The following GRM5 variants were observed in gnomAD, a reference collection of about 807,000 sequenced individuals.
The protein encoded by GRM5 is metabotropic glutamate receptor 5.
In GRM5, 19 loss-of-function variants were observed where a neutral mutation model predicts 83.1. The observed-to-expected ratio is 0.23, with a 90% CI of 0.16 to 0.34. The LOEUF (loss-of-function observed/expected upper bound fraction) is 0.34. GRM5 is among the 10% of genes least tolerant of loss of function. The pLI is 1.00. For synonymous variants in GRM5, 675 were observed against 633.6 expected, an observed-to-expected ratio of 1.07 and a Z score of -0.98; for missense variants, 1,160 against 1,588.3, an observed-to-expected ratio of 0.73 and a Z score of 4.58.
intron 7 of GRM5, among the ~76,000 whole-genome samples, chr11:88,575,726 G>A (rs549777684): frequency 6.6e-6 from 1 of 152,246 alleles, no homozygotes; most frequent in East Asian, 1.9e-4. Flanking sequence ...TTCTAGCATA[G>A]AAAATGTTCT....
Position 88,509,149 on chromosome 11 carries a change from G to A in GRM5, c.3082C>T (p.Arg1028Cys), listed in dbSNP as rs760970912. 5.2e-6 allele frequency: 8 copies of A among 1,539,728 alleles called. No individual in the cohort carries two copies. Among genetic ancestry groups the A allele is most frequent in the Middle Eastern group, 2.1e-4 (1 of 4,654 alleles). ...SPSPISTLSH[R>C]AGSASRTDDD... ...TCCGTGCGGCTGGCCGAGCCCGCGC[G>A]GTGGCTCAGCGTGCTGATGGGCGAC... Residue 1028 changes from arginine to cysteine, a missense_variant, in exon 10 of 10, where the codon CGC becomes TGC. Physicochemically the swap from Arg to Cys is radical, Grantham distance 180 (BLOSUM62 -3). This residue lies in a region of GRM5 where 562 missense variants were observed against 532.4 expected (regional missense o/e 1.06). Transcript: ENST00000305447.
chr11:88,935,217 C>G (rs1937851973), intron 2 of GRM5, among the ~76,000 whole-genome samples: 1 of 151,814 alleles, frequency 6.6e-6, no homozygotes, highest in African/African-American at 2.4e-5. Flanking sequence ...ATGTTCTCTT[C>G]CAAAGCAATT....
At chr11:88,967,217 A>G (rs557572552) in intron 2 of GRM5, among the ~76,000 whole-genome samples, 3 of 79,076 alleles carry the variant, frequency 3.8e-5, no homozygotes, top group South Asian at 7.4e-4. Context: ...GTGTGTGTAT[A>G]TATGTGTGTG....
At chr11:88,552,899 A>G (rs979600456) in intron 8 of GRM5, among the ~76,000 whole-genome samples, 1 of 152,144 alleles carries the variant, frequency 6.6e-6, no homozygotes, top group Non-Finnish European at 1.5e-5. Flanking sequence ...AAAATTTCCA[A>G]GGGGAAATTA....
intron 2 of GRM5, among the ~76,000 whole-genome samples, chr11:88,888,283 C>T (rs894051218): frequency 3.3e-5 from 5 of 152,166 alleles, no homozygotes; most frequent in Non-Finnish European, 7.3e-5. Context: ...CAAACCCTAA[C>T]TGCAGCTAAA....
At chr11:88,979,967 G>A (rs186800053) in intron 2 of GRM5, among the ~76,000 whole-genome samples, 1 of 152,170 alleles carries the variant, frequency 6.6e-6, no homozygotes, top group Non-Finnish European at 1.5e-5. Flanking sequence ...GGAAATCTAA[G>A]GCATTTTATT....
At chr11:88,517,338 T>C (rs1239902415) in intron 9 of GRM5, among the ~76,000 whole-genome samples, 1 of 152,120 alleles carries the variant, frequency 6.6e-6, no homozygotes, top group Non-Finnish European at 1.5e-5. Context: ...AGCCAAGATT[T>C]TTGATAAGCT....
chr11:88,675,298 A>G (rs1205961620), intron 3 of GRM5, among the ~76,000 whole-genome samples: 1 of 151,966 alleles, frequency 6.6e-6, no homozygotes, highest in South Asian at 2.1e-4. Context: ...ACTTCACTGG[A>G]TTCATTGCTT....
chr11:88,614,054 A>T (rs977909472), intron 4 of GRM5, among the ~76,000 whole-genome samples: 5 of 152,132 alleles, frequency 3.3e-5, no homozygotes, highest in African/African-American at 1.2e-4. Context: ...CTTGACCCTA[A>T]GCCATGTTCT....
chr11:88,643,009 G>A (rs572179161), intron 4 of GRM5, among the ~76,000 whole-genome samples: 1 of 151,946 alleles, frequency 6.6e-6, no homozygotes, highest in African/African-American at 2.4e-5. Flanking sequence ...TTATAGCAAT[G>A]TCCCACTCCT....
intron 2 of GRM5, among the ~76,000 whole-genome samples, chr11:88,941,680 CA>C (rs1475885257): frequency 6.6e-6 from 1 of 151,890 alleles, no homozygotes; most frequent in Non-Finnish European, 1.5e-5. Flanking sequence ...TTTGGCCTAA[CA>C]AATGTTAGGG....
chr11:88,794,077 C>A (rs528412881), intron 3 of GRM5, among the ~76,000 whole-genome samples: 1 of 152,114 alleles, frequency 6.6e-6, no homozygotes, highest in Non-Finnish European at 1.5e-5. Context: ...CCTGCCTCAG[C>A]CTTTAGCCTC....
intron 3 of GRM5, among the ~76,000 whole-genome samples, chr11:88,817,901 A>G (rs1407458948): frequency 6.6e-6 from 1 of 152,126 alleles, no homozygotes; most frequent in Non-Finnish European, 1.5e-5. Context: ...TTTGAAGTCT[A>G]TATTTTTAGC....
chr11:88,746,209 T>G (rs755629863), intron 3 of GRM5, among the ~76,000 whole-genome samples: 35 of 152,266 alleles, frequency 2.3e-4, no homozygotes, highest in Admixed American at 5.2e-4. Context: ...TCTCTAGGAA[T>G]AGCATCATCA....
chr11:88,617,121 C>T (rs755403465), intron 4 of GRM5, among the ~76,000 whole-genome samples: 3 of 152,120 alleles, frequency 2.0e-5, no homozygotes, highest in African/African-American at 4.8e-5. Flanking sequence ...CTTGTTTAAA[C>T]AAAACTAAAC....
rs1319471806 is a variant in GRM5, at chr11:88,885,459, T to G, written c.662-35304A>C. On this transcript the variant is annotated intron_variant, in intron 2 of 9. Coordinates refer to ENST00000305447, the MANE Select transcript of GRM5 (RefSeq NM_001143831.3). ...CTATAGTAGGTACCATGTTTTTTTT[T>G]TTTTTTTTTTTTTTTTTTTTTTTTT... Among the ~76,000 whole-genome samples, 67 of 107,982 alleles carry G rather than the reference T, an allele frequency of 6.2e-4. 8 individuals carry two copies. The highest frequency in any genetic ancestry group is 4.3e-3 in the Middle Eastern group (1 of 232). The allele number at this position is 107,982 out of a possible 152,430, so 70.8% of individuals were successfully genotyped here.
intron 3 of GRM5, among the ~76,000 whole-genome samples, chr11:88,707,286 C>T (rs1941184004): frequency 6.6e-6 from 1 of 152,042 alleles, no homozygotes; most frequent in African/African-American, 2.4e-5. Flanking sequence ...ATACTTAGGT[C>T]AGTGCCTGGG....
At chr11:88,978,821 G>A (rs948662619) in intron 2 of GRM5, among the ~76,000 whole-genome samples, 8 of 152,088 alleles carry the variant, frequency 5.3e-5, no homozygotes, top group African/African-American at 1.9e-4. Flanking sequence ...TTTTGCTAAT[G>A]AGGTAACTGA....
intron 3 of GRM5, among the ~76,000 whole-genome samples, chr11:88,663,676 A>C (rs1464623645): frequency 6.6e-6 from 1 of 152,056 alleles, no homozygotes; most frequent in East Asian, 1.9e-4. Context: ...TAAGCTTGTA[A>C]ATTTTTATCA....
Sources: allele counts gnomAD v4.1 joint callset (sites outside exome capture counted in the v4.1 genomes callset), GRCh38; gene constraint gnomAD v4.1.1; regional missense constraint gnomAD v4.1.1; transcripts MANE v1.5; gene names NCBI Gene and HGNC (gene_info 2026-07-23, HGNC 2026-07-21).